Variants in CFAP299 observed in about 807,000 individuals in gnomAD.
CFAP299 encodes the protein cilia- and flagella-associated protein 299.
A neutral mutation model predicts 27.0 loss-of-function variants in CFAP299; 21 were observed. The ratio of observed to expected loss-of-function variants is 0.78; its 90% CI spans 0.55 to 1.12. The LOEUF (loss-of-function observed/expected upper bound fraction) is 1.12, where lower values mean the gene tolerates loss of function less well. Ranked by LOEUF, CFAP299 falls within the 50% of genes most tolerant of loss-of-function variation. The pLI, the probability that CFAP299 is intolerant of heterozygous loss-of-function variation, is 0.00. For synonymous variants in CFAP299, 104 were observed against 98.1 expected, an observed-to-expected ratio of 1.06 and a Z score of -0.36; for missense variants, 310 against 276.6, an observed-to-expected ratio of 1.12 and a Z score of -0.86.
intron 2 of CFAP299, among the ~76,000 whole-genome samples, chr4:80,367,733 A>G (rs546002421): frequency 6.6e-6 from 1 of 152,328 alleles, no homozygotes; most frequent in African/African-American, 2.4e-5. Flanking sequence ...GCCATAAGAC[A>G]GAAGCTGTAG....
intron 2 of CFAP299, among the ~76,000 whole-genome samples, chr4:80,458,273 A>G (rs990462566): frequency 2.6e-5 from 4 of 152,176 alleles, no homozygotes; most frequent in African/African-American, 9.7e-5. Context: ...TTTCTTCCTG[A>G]GTTAAAGGAG....
At chr4:80,633,073 T>C (rs1739291627) in intron 3 of CFAP299, among the ~76,000 whole-genome samples, 1 of 152,230 alleles carries the variant, frequency 6.6e-6, no homozygotes, top group Non-Finnish European at 1.5e-5. Context: ...AAATTAAATT[T>C]CTATCTTATC....
intron 3 of CFAP299, among the ~76,000 whole-genome samples, chr4:80,700,175 T>C (rs543257236): frequency 7.9e-5 from 12 of 152,124 alleles, no homozygotes; most frequent in Non-Finnish European, 1.6e-4. Flanking sequence ...ATGTGTAGTT[T>C]CCGAAGGTAG....
intron 3 of CFAP299, among the ~76,000 whole-genome samples, chr4:80,654,086 A>T (rs1031054035): frequency 1.3e-5 from 2 of 152,146 alleles, no homozygotes; most frequent in Admixed American, 6.6e-5. Flanking sequence ...ATTATGGCTA[A>T]CCTGTTAAAA....
At chr4:80,611,951 A>T (rs1166596191) in intron 3 of CFAP299, among the ~76,000 whole-genome samples, 2 of 152,086 alleles carry the variant, frequency 1.3e-5, no homozygotes, top group Non-Finnish European at 2.9e-5. Context: ...TATTTTTGTA[A>T]ATTTTCTAAT....
intron 3 of CFAP299, among the ~76,000 whole-genome samples, chr4:80,663,531 A>G (rs901466228): frequency 6.6e-6 from 1 of 152,152 alleles, no homozygotes; most frequent in Admixed American, 6.5e-5. Context: ...TATCCAGTCT[A>G]TCATTGATGG....
intron 3 of CFAP299, among the ~76,000 whole-genome samples, chr4:80,765,223 C>G (rs1436327426): frequency 6.6e-6 from 1 of 152,150 alleles, no homozygotes; most frequent in Non-Finnish European, 1.5e-5. Context: ...AATCAAAACT[C>G]TGGGCATGGG....
At chr4:80,773,677 G>T (rs1291372381) in intron 3 of CFAP299, among the ~76,000 whole-genome samples, 2 of 151,930 alleles carry the variant, frequency 1.3e-5, no homozygotes, top group Non-Finnish European at 2.9e-5. Flanking sequence ...GTTAAATCTA[G>T]AAATGAAAAT....
At chr4:80,366,358 T>A (rs1267519252) in intron 2 of CFAP299, among the ~76,000 whole-genome samples, 1 of 152,202 alleles carries the variant, frequency 6.6e-6, no homozygotes, top group Admixed American at 6.5e-5. Context: ...GTATGTTAAT[T>A]ACTCACAATA....
intron 4 of CFAP299, among the ~76,000 whole-genome samples, chr4:80,909,803 C>T (rs1735376576): frequency 6.6e-6 from 1 of 151,914 alleles, no homozygotes; most frequent in South Asian, 2.1e-4. Context: ...ATACAGAAAG[C>T]AGCATGCTTT....
chr4:80,390,494 T>TATGTATATATACACAC (rs1725269236), intron 2 of CFAP299, among the ~76,000 whole-genome samples: 1 of 145,340 alleles, frequency 6.9e-6, no homozygotes, highest in African/African-American at 2.6e-5. Context: ...TCTCTCTCTA[T>TATGTATATATACACAC]ATATATGTAT....
chr4:80,581,833 G>C (rs1467155802), intron 2 of CFAP299, among the ~76,000 whole-genome samples: 2 of 151,942 alleles, frequency 1.3e-5, no homozygotes, highest in African/African-American at 4.8e-5. Context: ...CTAAAACACA[G>C]ATTTGATTAT....
At chr4:80,507,921 T>C (rs1331131679) in intron 2 of CFAP299, among the ~76,000 whole-genome samples, 2 of 152,192 alleles carry the variant, frequency 1.3e-5, no homozygotes, top group African/African-American at 4.8e-5. Context: ...ATCTTCATAC[T>C]ATACACTGTA....
At chr4:80,906,594 A>C (rs1218104120) in intron 4 of CFAP299, among the ~76,000 whole-genome samples, 1 of 152,142 alleles carries the variant, frequency 6.6e-6, no homozygotes, top group Non-Finnish European at 1.5e-5. Context: ...ATGTCCTCTA[A>C]AATCTAGGTG....
chr4:80,581,925 A>C (rs1736196023), intron 2 of CFAP299, among the ~76,000 whole-genome samples: 1 of 151,944 alleles, frequency 6.6e-6, no homozygotes, highest in African/African-American at 2.4e-5. Context: ...AGGGGTTGTA[A>C]GAATGAGTTC....
intron 3 of CFAP299, among the ~76,000 whole-genome samples, chr4:80,664,439 C>G (rs1273925888): frequency 6.6e-6 from 1 of 152,130 alleles, no homozygotes; most frequent in Non-Finnish European, 1.5e-5. Context: ...ATGCCCTGCC[C>G]AGAGAGGAGG....
At chr4:80,844,455 G>A (rs1391829950) in intron 3 of CFAP299, among the ~76,000 whole-genome samples, 1 of 152,152 alleles carries the variant, frequency 6.6e-6, no homozygotes, top group South Asian at 2.1e-4. Flanking sequence ...TCTAACTGGT[G>A]TGAGATGGTA....
chr4:80,688,598 C>G (rs1352582095), intron 3 of CFAP299, among the ~76,000 whole-genome samples: 1 of 152,148 alleles, frequency 6.6e-6, no homozygotes, highest in African/African-American at 2.4e-5. Context: ...GGGGAAAAAA[C>G]AGAGCAGAAA....
intron 2 of CFAP299, among the ~76,000 whole-genome samples, chr4:80,495,731 G>A (rs897331411): frequency 6.6e-6 from 1 of 152,196 alleles, no homozygotes; most frequent in African/African-American, 2.4e-5. Context: ...CAGAGAAGAG[G>A]CTTAATTGGC....
Sources: allele counts gnomAD v4.1 joint callset (sites outside exome capture counted in the v4.1 genomes callset), GRCh38; gene constraint gnomAD v4.1.1; transcripts MANE v1.5; gene names NCBI Gene and HGNC (gene_info 2026-07-23, HGNC 2026-07-21).